PPP1R12A: variants seen among roughly 807,000 people sequenced by gnomAD.
PPP1R12A encodes the protein myosin binding subunit.
Under a neutral mutation model 139.6 loss-of-function variants are expected in PPP1R12A, and 19 were observed. The ratio of observed to expected loss-of-function variants is 0.14; its 90% confidence interval spans 0.09 to 0.20. PPP1R12A has a LOEUF of 0.20. PPP1R12A is among the 10% of genes least tolerant of loss of function. PPP1R12A has a pLI of 1.00. For missense variants in PPP1R12A, 925 were observed against 1,211.5 expected, an observed-to-expected ratio of 0.76 and a Z score of 3.51; for synonymous variants, 427 against 420.6, an observed-to-expected ratio of 1.02 and a Z score of -0.19.
intron 22 of PPP1R12A, among the ~76,000 whole-genome samples, chr12:79,784,859 G>A (rs780285519): frequency 6.6e-6 from 1 of 152,132 alleles, no homozygotes; most frequent in East Asian, 1.9e-4. Flanking sequence ...GGCTGGTCTC[G>A]AGCTCGTGAC....
chr12:79,774,599 G>A lies in PPP1R12A; in HGVS notation c.*1330C>T, dbSNP rs898028385. On this transcript the variant is annotated 3_prime_UTR_variant, in exon 25 of 25. Coordinates refer to ENST00000450142, the MANE Select transcript of PPP1R12A (RefSeq NM_002480.3). The stretch of plus-strand genomic sequence containing the variant: ...GCTATTTGTCCAAATAAAAGCCATC[G>A]TCACTATGTACTTGGTTTTGCGCTT... 6.7e-6 allele frequency: 1 copy of A among 149,422 alleles called. No homozygotes were observed. The highest frequency in any genetic ancestry group is 2.1e-4 in the South Asian group (1 of 4,724). The allele number at this position is 149,422 out of a possible 1,614,324, so 9.3% of individuals were successfully genotyped here.
intron 3 of PPP1R12A, among the ~76,000 whole-genome samples, chr12:79,842,585 G>T (rs1054019457): frequency 1.3e-5 from 2 of 149,986 alleles, no homozygotes; most frequent in Admixed American, 6.6e-5. Flanking sequence ...TTGTGTGTGT[G>T]TGTGTGTGTG....
Position 79,934,806 on chromosome 12 carries a change from G to T in PPP1R12A, c.126C>A (p.Ala42=), listed in dbSNP as rs367948948. The T allele has an allele frequency of 4.4e-6, 7 of 1,591,338 alleles. No individual in the cohort carries two copies. Among genetic ancestry groups the T allele is most frequent in the Non-Finnish European group, 6.0e-6 (7 of 1,169,118 alleles). ...QKTKVKFDDG[A]VFLAACSSGD... is the part of the protein sequence containing the mutation. ...CGCTGGAGCAAGCAGCCAGGAAGAC[G>T]GCGCCATCGTCGAACTTCACCTTGG... Residue 42 remains alanine (A), a synonymous_variant, in exon 1 of 25, where the codon GCC becomes GCA. Coordinates refer to ENST00000450142, the MANE Select transcript of PPP1R12A (RefSeq NM_002480.3).
At chr12:79,803,915 G>C (rs1873503070) in intron 14 of PPP1R12A, among the ~76,000 whole-genome samples, 1 of 152,074 alleles carries the variant, frequency 6.6e-6, no homozygotes, top group Non-Finnish European at 1.5e-5. Flanking sequence ...AACAATCTGT[G>C]GGTTAAGAAT....
chr12:79,861,880 C>T (rs1474498400), intron 2 of PPP1R12A, among the ~76,000 whole-genome samples: 1 of 152,148 alleles, frequency 6.6e-6, no homozygotes, highest in East Asian at 1.9e-4. Context: ...ACTCTGGGGG[C>T]AGGGCATATT....
At chr12:79,873,496 T>A (rs199942293) in intron 1 of PPP1R12A, among the ~76,000 whole-genome samples, 44 of 134,780 alleles carry the variant, frequency 3.3e-4, no homozygotes, top group East Asian at 2.8e-3. Flanking sequence ...ACTCATAATT[T>A]AAAAAAAAAA....
intron 1 of PPP1R12A, among the ~76,000 whole-genome samples, chr12:79,890,123 C>T (rs1368364439): frequency 6.6e-6 from 1 of 152,038 alleles, no homozygotes; most frequent in African/African-American, 2.4e-5. Context: ...GAGGACATAA[C>T]TTGAAAAACC....
At chr12:79,889,166 T>A (rs955737646) in intron 1 of PPP1R12A, among the ~76,000 whole-genome samples, 2 of 152,190 alleles carry the variant, frequency 1.3e-5, no homozygotes, top group African/African-American at 4.8e-5. Context: ...GTGATATATT[T>A]TGTGTGTGTG....
At chr12:79,834,443 C>T (rs1399035753) in intron 3 of PPP1R12A, among the ~76,000 whole-genome samples, 1 of 152,120 alleles carries the variant, frequency 6.6e-6, no homozygotes, top group Non-Finnish European at 1.5e-5. Flanking sequence ...TTGGAGGCTA[C>T]TGCAATAATC....
chr12:79,890,058 A>G (rs1214305814), intron 1 of PPP1R12A, among the ~76,000 whole-genome samples: 1 of 152,218 alleles, frequency 6.6e-6, no homozygotes, highest in African/African-American at 2.4e-5. Context: ...AGAAATATTC[A>G]GACCATAGCA....
At chr12:79,890,868 C>T (rs1884521383) in intron 1 of PPP1R12A, among the ~76,000 whole-genome samples, 1 of 148,544 alleles carries the variant, frequency 6.7e-6, no homozygotes, top group Admixed American at 6.8e-5. Flanking sequence ...ACTTCAGAAA[C>T]CTCAAGAATA....
At chr12:79,902,745 T>A (rs974008509) in intron 1 of PPP1R12A, among the ~76,000 whole-genome samples, 1 of 152,086 alleles carries the variant, frequency 6.6e-6, no homozygotes, top group Non-Finnish European at 1.5e-5. Flanking sequence ...ATATTACAGG[T>A]TGAGCATCAC....
intron 1 of PPP1R12A, among the ~76,000 whole-genome samples, chr12:79,886,322 G>A (rs1884099401): frequency 6.6e-6 from 1 of 152,142 alleles, no homozygotes; most frequent in Admixed American, 6.5e-5. Flanking sequence ...TGAAAAGCAA[G>A]TACAATTTTA....
At chr12:79,833,833 C>T (rs1221952722) in intron 3 of PPP1R12A, among the ~76,000 whole-genome samples, 2 of 127,090 alleles carry the variant, frequency 1.6e-5, no homozygotes, top group East Asian at 4.3e-4. Flanking sequence ...TGAGACTTTG[C>T]CTCAAAGAAA....
chr12:79,927,461 G>C (rs1376541095), intron 1 of PPP1R12A, among the ~76,000 whole-genome samples: 8 of 152,100 alleles, frequency 5.3e-5, no homozygotes, highest in Non-Finnish European at 1.2e-4. Flanking sequence ...GGTCTTAAAA[G>C]TATGGGCTAG....
At chr12:79,910,314 C>T (rs2137521333) in intron 1 of PPP1R12A, among the ~76,000 whole-genome samples, 1 of 151,682 alleles carries the variant, frequency 6.6e-6, no homozygotes, top group South Asian at 2.1e-4. Flanking sequence ...ACCTTGTCTC[C>T]ACTAAAAATA....
intron 23 of PPP1R12A, 54 bp downstream of exon 23, chr12:79,781,761 G>T: frequency 1.8e-6 from 2 of 1,093,408 alleles, no homozygotes; most frequent in South Asian, 1.8e-5. Flanking sequence ...ACCTACCATT[G>T]TTTACCTAAA....
At chr12:79,928,597 T>G (rs1888023060) in intron 1 of PPP1R12A, among the ~76,000 whole-genome samples, 1 of 152,200 alleles carries the variant, frequency 6.6e-6, no homozygotes, top group Non-Finnish European at 1.5e-5. Flanking sequence ...GACACAAATT[T>G]TAATGCTCTT....
intron 1 of PPP1R12A, among the ~76,000 whole-genome samples, chr12:79,895,422 A>C (rs1006133747): frequency 1.3e-5 from 2 of 152,210 alleles, no homozygotes; most frequent in Non-Finnish European, 2.9e-5. Flanking sequence ...CTGCCTACTC[A>C]TGACTTCAAA....
Sources: allele counts gnomAD v4.1 joint callset (sites outside exome capture counted in the v4.1 genomes callset), GRCh38; gene constraint gnomAD v4.1.1; transcripts MANE v1.5; gene names NCBI Gene and HGNC (gene_info 2026-07-23, HGNC 2026-07-21).